TOX: variants seen among roughly 807,000 people sequenced by gnomAD.
TOX encodes the protein thymocyte selection-associated high mobility group box protein TOX.
A neutral mutation model predicts 53.7 loss-of-function variants in TOX; 11 were observed. The ratio of observed to expected loss-of-function variants is 0.20; its 90% CI spans 0.13 to 0.34. The LOEUF is 0.34. Ranked by LOEUF, TOX falls within the 10% of genes least tolerant of loss-of-function variation. The probability of loss-of-function intolerance (pLI) is 1.00; values close to 1 mark genes in which losing one functional copy is unlikely to be tolerated. For synonymous variants in TOX, 225 were observed against 245.3 expected (o/e 0.92, Z 0.77); for missense variants, 570 against 664.6 (o/e 0.86, Z 1.56).
chr8:59,032,683 G>A (rs1472532019), intron 1 of TOX, among the ~76,000 whole-genome samples: 4 of 152,158 alleles, frequency 2.6e-5, no homozygotes, highest in Non-Finnish European at 5.9e-5. Context: ...TACCCTCTAA[G>A]GTCAATGTTA....
chr8:58,863,963 A>G (rs1030300242), intron 3 of TOX, among the ~76,000 whole-genome samples: 12 of 147,762 alleles, frequency 8.1e-5, no homozygotes, highest in African/African-American at 3.0e-4. Context: ...TGCAGTGAGC[A>G]TCACTTAGAA....
chr8:59,038,216 A>G (rs1355785094), intron 1 of TOX, among the ~76,000 whole-genome samples: 1 of 152,238 alleles, frequency 6.6e-6, no homozygotes, highest in Non-Finnish European at 1.5e-5. Context: ...AACAGTTAAC[A>G]TATCATTTTT....
rs555097244 is a variant in TOX at position 58,851,331 on chromosome 8, T to C, written c.693+193A>G. Among the ~76,000 whole-genome samples, 1 of 152,250 alleles carries C rather than the reference T, an allele frequency of 6.6e-6. No individual in the cohort carries two copies. The highest frequency in any genetic ancestry group is 2.4e-5 in the African/African-American group (1 of 41,548). ...AACACATCTATATTTAAAGGATTTC[T>C]CAGGGGCTTTAAAGTGTAATTGGAC... On this transcript the variant is annotated intron_variant, in intron 4 of 8. Coordinates refer to ENST00000361421, the MANE Select transcript of TOX (RefSeq NM_014729.3). This position sits in a 1 kb window ranked among gnomAD's most constrained non-coding sequence, Gnocchi z 4.4.
At chr8:59,038,115 T>C (rs1378921594) in intron 1 of TOX, among the ~76,000 whole-genome samples, 1 of 152,242 alleles carries the variant, frequency 6.6e-6, no homozygotes, top group Non-Finnish European at 1.5e-5. Flanking sequence ...TTTATGTGTA[T>C]CTACTTTAAT....
chr8:58,846,255 T>G (rs1467899437), intron 4 of TOX, among the ~76,000 whole-genome samples: 1 of 152,102 alleles, frequency 6.6e-6, no homozygotes, highest in Non-Finnish European at 1.5e-5. Context: ...GGGTCATACA[T>G]TAGTTTAATT....
intron 1 of TOX, among the ~76,000 whole-genome samples, chr8:59,028,634 G>A (rs1814290359): frequency 6.6e-6 from 1 of 152,072 alleles, no homozygotes; most frequent in Non-Finnish European, 1.5e-5. Context: ...CACCTGGGGT[G>A]CACACTCAGG....
chr8:58,875,566 A>T (rs1811269211), intron 3 of TOX, among the ~76,000 whole-genome samples: 1 of 152,204 alleles, frequency 6.6e-6, no homozygotes, highest in African/African-American at 2.4e-5. Context: ...AAAGAGCATA[A>T]TAAGTTTAAA....
intron 1 of TOX, among the ~76,000 whole-genome samples, chr8:58,994,244 T>A (rs540885351): frequency 6.6e-6 from 1 of 152,296 alleles, no homozygotes; most frequent in South Asian, 2.1e-4. Context: ...AGAGAAATGA[T>A]CACTGAGTGT....
chr8:59,045,028 C>T (rs1041130656), intron 1 of TOX, among the ~76,000 whole-genome samples: 1 of 152,242 alleles, frequency 6.6e-6, no homozygotes. Flanking sequence ...AAATAGTGCA[C>T]ACTCACCTTG....
At chr8:58,879,065 A>AAAAC (rs1411249025) in intron 3 of TOX, among the ~76,000 whole-genome samples, 1 of 151,734 alleles carries the variant, frequency 6.6e-6, no homozygotes, top group African/African-American at 2.4e-5. Context: ...CATCTCAAAA[A>AAAAC]AAAAAAAACA....
At chr8:59,064,587 C>T (rs1039703759) in intron 1 of TOX, among the ~76,000 whole-genome samples, 1 of 151,992 alleles carries the variant, frequency 6.6e-6, no homozygotes, top group South Asian at 2.1e-4. Flanking sequence ...ACAAGCTTCT[C>T]GGAAGTCAAA....
At chr8:59,032,892 C>T (rs1814384707) in intron 1 of TOX, among the ~76,000 whole-genome samples, 1 of 151,890 alleles carries the variant, frequency 6.6e-6, no homozygotes, top group South Asian at 2.1e-4. Context: ...ATTAGCTGGA[C>T]GTGATGGCAG....
intron 3 of TOX, among the ~76,000 whole-genome samples, chr8:58,907,206 C>A (rs1811830298): frequency 6.6e-6 from 1 of 152,170 alleles, no homozygotes; most frequent in Non-Finnish European, 1.5e-5. Flanking sequence ...TGAAGTAGGT[C>A]CCCTGGAAAT....
In TOX at chr8:59,076,142, C is replaced by T. The variant is rs187421636; in HGVS notation, c.102+42744G>A. ...GGAGGGACCTCCACTGCGCAGTACA[C>T]ATCCAAGAGAATCCAGTGAGGATAC... On this transcript the variant is annotated intron_variant, in intron 1 of 8. Transcript: ENST00000361421. Among the ~76,000 whole-genome samples the T allele has an allele frequency of 4.4e-3, 672 of 152,232 alleles. 6 individuals carry two copies. Among genetic ancestry groups the T allele is most frequent in the Non-Finnish European group, 7.0e-3 (475 of 68,014 alleles).
At chr8:58,902,207 T>C (rs1464733115) in intron 3 of TOX, among the ~76,000 whole-genome samples, 1 of 152,210 alleles carries the variant, frequency 6.6e-6, no homozygotes, top group Non-Finnish European at 1.5e-5. Context: ...TATATTCCTT[T>C]CAATGCAAAA....
At position 58,997,983 on chromosome 8, in the gene TOX, G is replaced by A. The variant is rs560413913; in HGVS notation, c.103-37975C>T. On this transcript the variant is annotated intron_variant, in intron 1 of 8. Transcript: ENST00000361421. ...AATTTTTTGTATTTTTAGTAGAGAC[G>A]GGTTTTCACCATGTTAGCCAGGATG... Among the ~76,000 whole-genome samples the A allele has an allele frequency of 8.6e-5, 13 of 151,928 alleles. No individual in the cohort carries two copies. In the East Asian group the frequency reaches 1.4e-3, roughly 16 times the overall value.
At position 58,815,777 on chromosome 8, in the gene TOX, T is replaced by C. The variant is rs79931905; in HGVS notation, c.1006-53A>G. The C allele has an allele frequency of 8.8e-4, 1,352 of 1,543,798 alleles. 10 individuals are homozygous for C. The African/African-American group carries it at 0.017, about 19-fold the overall frequency. On this transcript the variant is annotated intron_variant, in intron 6 of 8. Coordinates refer to ENST00000361421, the MANE Select transcript of TOX (RefSeq NM_014729.3). ...GGGAGGCTGATACATGAGTGTTGATTCAAGGTATGACGCTTTGTGAGTTTA... is the reference window on the plus strand; with the variant it reads ...GGGAGGCTGATACATGAGTGTTGATCCAAGGTATGACGCTTTGTGAGTTTA...
chr8:58,837,796 C>G (rs1810571389), intron 5 of TOX, among the ~76,000 whole-genome samples: 1 of 151,854 alleles, frequency 6.6e-6, no homozygotes, highest in Admixed American at 6.6e-5. Context: ...TTCACATTGG[C>G]AACATTAAGG....
intron 2 of TOX, among the ~76,000 whole-genome samples, chr8:58,953,498 A>AT (rs1017949937): frequency 6.6e-6 from 1 of 152,124 alleles, no homozygotes; most frequent in African/African-American, 2.4e-5. Context: ...TAGGTGGCCT[A>AT]TTTTTCCAGG....
Sources: gnomAD v4.1 joint callset for allele counts (sites outside exome capture counted in the v4.1 genomes callset) on GRCh38, gnomAD v4.1.1 for gene constraint, Gnocchi (gnomAD v3.1) non-coding constraint, MANE v1.5 for transcripts, NCBI Gene and HGNC (gene_info 2026-07-23, HGNC 2026-07-21) for gene names.